The following OR2T27 variants were observed in gnomAD, a reference collection of about 807,000 sequenced individuals.
OR2T27 encodes the protein olfactory receptor 2T27.
For synonymous variants in OR2T27, 51 were observed against 152.9 expected (o/e 0.33, Z 4.92); for missense variants, 152 against 397.2 (o/e 0.38, Z 5.25).
In OR2T27 at chr1:248,649,895, CTTCAT is replaced by C. The variant is rs149039063; in HGVS notation, c.*31_*35del. ...AAGGGCAATGATAAAGTCTTGTATC[CTTCAT>C]TTCAAGTCTCTAGCAGCATATGAAA... is the stretch of plus-strand genomic sequence containing the variant. On this transcript the variant is annotated 3_prime_UTR_variant, in exon 2 of 2. Coordinates refer to ENST00000460972, the MANE Select transcript of OR2T27 (RefSeq NM_001001824.2). The C allele has an allele frequency of 0.012, 16,903 of 1,393,392 alleles. 1,646 individuals are homozygous for C. The African/African-American group carries it at 0.21, about 18-fold the overall frequency. The allele number at this position is 1,393,392 out of a possible 1,614,324, so 86.3% of individuals were successfully genotyped here. A position where few individuals can be genotyped will look rare whatever the true frequency, so the allele number is the denominator to read the frequency against.
chr1:248,652,348 C>T (rs1393955029), intron 1 of OR2T27, among the ~76,000 whole-genome samples: 2 of 150,086 alleles, frequency 1.3e-5, no homozygotes, highest in African/African-American at 4.9e-5. Flanking sequence ...CAAGGAGGAA[C>T]ATTGTTCTTT....
Position 248,653,093 on chromosome 1 carries a change from G to C in OR2T27, c.-4-2205C>G, listed in dbSNP as rs546055876. Among the ~76,000 whole-genome samples, 909 of 118,496 alleles carry C rather than the reference G, an allele frequency of 7.7e-3. 13 individuals are homozygous for C. Among genetic ancestry groups the C allele is most frequent in the African/African-American group, 0.023 (875 of 37,552 alleles). 77.7% of individuals were successfully genotyped at this position (118,496 alleles called of 152,430 possible). On this transcript the variant is annotated intron_variant, in intron 1 of 1. Coordinates refer to ENST00000460972, the MANE Select transcript of OR2T27 (RefSeq NM_001001824.2). ...CACTGGGAATATTAAAGCCCAAGAT[G>C]AAAAAATTGGTCCAAAAATATCCTT...
chr1:248,652,752 G>A (rs971335769), intron 1 of OR2T27, among the ~76,000 whole-genome samples: 1 of 124,860 alleles, frequency 8.0e-6, no homozygotes, highest in African/African-American at 2.7e-5. Context: ...GATTTTTACT[G>A]ATGAAACCCA....
intron 1 of OR2T27, among the ~76,000 whole-genome samples, chr1:248,652,439 A>G (rs1220258597): frequency 1.3e-5 from 2 of 148,484 alleles, no homozygotes; most frequent in Non-Finnish European, 1.5e-5. Flanking sequence ...ATATTTCTCA[A>G]GAGGCACATT....
chr1:248,653,445 T>TGGGAA (rs2103116928), intron 1 of OR2T27, among the ~76,000 whole-genome samples: 1 of 141,032 alleles, frequency 7.1e-6, no homozygotes, highest in Admixed American at 7.2e-5. Context: ...ACCTAATAAT[T>TGGGAA]AGCACATCTT....
intron 1 of OR2T27, among the ~76,000 whole-genome samples, chr1:248,651,898 C>A (rs1336874678): frequency 1.1e-5 from 1 of 93,832 alleles, no homozygotes; most frequent in Non-Finnish European, 2.4e-5. Flanking sequence ...AATTCAAACA[C>A]CTGTTAAAAA....
intron 1 of OR2T27, among the ~76,000 whole-genome samples, chr1:248,653,520 CGTT>C (rs1203965116): frequency 3.4e-5 from 2 of 58,470 alleles, no homozygotes; most frequent in Non-Finnish European, 5.8e-5. Context: ...TTCACATTCA[CGTT>C]GTTGAGTTTG....
In OR2T27 at chr1:248,652,425, A is replaced by G. The variant is rs534987953; in HGVS notation, c.-4-1537T>C. On this transcript the variant is annotated intron_variant, in intron 1 of 1. Transcript: ENST00000460972. ...GACAAAGTAGACATCAATTCATTCCATAAATATTTCTCAAGAGGCACATTG... is the reference window on the plus strand; with the variant it reads ...GACAAAGTAGACATCAATTCATTCCGTAAATATTTCTCAAGAGGCACATTG... Among the ~76,000 whole-genome samples the G allele has an allele frequency of 1.7e-4, 26 of 149,184 alleles. No homozygotes were observed. In the Middle Eastern group the frequency reaches 0.01, roughly 59 times the overall value.
intron 1 of OR2T27, among the ~76,000 whole-genome samples, chr1:248,651,786 A>G (rs1398132522): frequency 1.5e-5 from 1 of 64,712 alleles, no homozygotes; most frequent in African/African-American, 2.9e-5. Flanking sequence ...CCTGCATCAT[A>G]TAGATCTGCA....
intron 1 of OR2T27, among the ~76,000 whole-genome samples, chr1:248,652,141 A>G (rs1661032221): frequency 6.8e-6 from 1 of 147,814 alleles, no homozygotes. Context: ...TCCAGAGTTA[A>G]ACACACCACA....
intron 1 of OR2T27, among the ~76,000 whole-genome samples, 181 bp downstream of exon 1, chr1:248,655,263 C>T (rs181088396): frequency 3.9e-5 from 5 of 126,840 alleles, no homozygotes; most frequent in African/African-American, 1.0e-4. Flanking sequence ...TACTAAGAAA[C>T]GAGATTGAAT....
chr1:248,652,401 A>G lies in OR2T27; in HGVS notation c.-4-1513T>C, dbSNP rs182659278. On this transcript the variant is annotated intron_variant, in intron 1 of 1. Coordinates refer to ENST00000460972, the MANE Select transcript of OR2T27 (RefSeq NM_001001824.2). The stretch of plus-strand genomic sequence containing the variant: ...TTGTTCTATGCTGTTTTCCAACAGG[A>G]CAAAGTAGACATCAATTCATTCCAT... Among the ~76,000 whole-genome samples the G allele has an allele frequency of 3.2e-4, 48 of 149,510 alleles. 2 individuals carry two copies. In the East Asian group the frequency reaches 6.5e-3, roughly 20 times the overall value.
rs114829754 is a variant in OR2T27, at chr1:248,651,674, A to T, written c.-4-786T>A. On this transcript the variant is annotated intron_variant, in intron 1 of 1. Coordinates refer to ENST00000460972, the MANE Select transcript of OR2T27 (RefSeq NM_001001824.2). Reference sequence around the variant, plus strand: ...ATTAGACCTAGTGTATCCCAAAAAGAAGGGATCTCTCATACTTGAAGTTAG... The same window carrying T: ...ATTAGACCTAGTGTATCCCAAAAAGTAGGGATCTCTCATACTTGAAGTTAG... 4 of 70,656 alleles carry T rather than the reference A, an allele frequency of 5.7e-5. 1 individual carries two copies. The Admixed American group carries it at 6.4e-4, about 11-fold the overall frequency. The allele number at this position is 70,656 out of a possible 1,614,324, so 4.4% of individuals were successfully genotyped here.
At chr1:248,652,613 C>CA (rs1661045647) in intron 1 of OR2T27, among the ~76,000 whole-genome samples, 2 of 68,764 alleles carry the variant, frequency 2.9e-5, no homozygotes, top group South Asian at 8.7e-4. Context: ...GGTATGTGAA[C>CA]AAAGGACAAT....
rs2103114009 is a variant in OR2T27, at chr1:248,650,052, T to C, written c.833A>G (p.Tyr278Cys). ...ATTGAGCATGGGAGTAAGGATGGTG[T>C]AGAAGGCAGATACAGCTTTGTCCTG... ...PEQDKAVSAF[Y>C]TILTPMLNPL... Residue 278 changes from tyrosine (Y) to cysteine (C), a missense_variant, in exon 2 of 2, where the codon TAC (tyrosine) becomes TGC (cysteine). By Grantham distance (194) the Tyr-to-Cys change is radical (BLOSUM62 -2). Coordinates refer to ENST00000460972, the MANE Select transcript of OR2T27 (RefSeq NM_001001824.2). The C allele has an allele frequency of 6.3e-7, 1 of 1,575,068 alleles. No individual in the cohort carries two copies. Among genetic ancestry groups the C allele is most frequent in the South Asian group, 1.1e-5 (1 of 88,810 alleles).
chr1:248,651,506 G>T (rs1214746881), intron 1 of OR2T27: 1 of 69,698 alleles, frequency 1.4e-5, no homozygotes, highest in African/African-American at 2.8e-5. Context: ...GAATTCATAG[G>T]AGGAAAAATC....
chr1:248,650,230 T>C lies in OR2T27; in HGVS notation c.655A>G (p.Thr219Ala), dbSNP rs750800942. The C allele has an allele frequency of 6.8e-6, 9 of 1,315,778 alleles. No homozygotes were observed. Among genetic ancestry groups the C allele is most frequent in the South Asian group, 1.3e-5 (1 of 75,248 alleles). The allele number at this position is 1,315,778 out of a possible 1,614,324, so 81.5% of individuals were successfully genotyped here. ...CTATAAACAGTAATGAGAATTCTTG[T>C]GTAAGAGCCCGAGATGACAGAGAAA... ...IPFSVISGSY[T>A]RILITVYRMS... Residue 219 changes from threonine (T) to alanine (A), a missense_variant, in exon 2 of 2, where the codon ACA becomes GCA. Physicochemically the swap from Thr to Ala is moderately conservative, Grantham distance 58. Coordinates refer to ENST00000460972, the MANE Select transcript of OR2T27 (RefSeq NM_001001824.2).
At chr1:248,651,577 C>G (rs1399290869) in intron 1 of OR2T27, 3 of 53,822 alleles carry the variant, frequency 5.6e-5, no homozygotes, top group African/African-American at 1.0e-4. Context: ...AGCAAACTAC[C>G]AATTATTAAC....
chr1:248,650,049 G>A lies in OR2T27; in HGVS notation c.836C>T (p.Thr279Ile). ...TGGATTGAGCATGGGAGTAAGGATG[G>A]TGTAGAAGGCAGATACAGCTTTGTC... ...EQDKAVSAFY[T>I]ILTPMLNPLI... Residue 279 changes from threonine (T) to isoleucine (I), a missense_variant, in exon 2 of 2, where the codon ACC becomes ATC. Transcript: ENST00000460972. 6.4e-7 allele frequency: 1 copy of A among 1,570,450 alleles called. No individual in the cohort carries two copies. Among genetic ancestry groups the A allele is most frequent in the Non-Finnish European group, 8.7e-7 (1 of 1,155,978 alleles).
Sources: allele counts gnomAD v4.1 joint callset (sites outside exome capture counted in the v4.1 genomes callset), GRCh38; gene constraint gnomAD v4.1.1; transcripts MANE v1.5; gene names NCBI Gene and HGNC (gene_info 2026-07-23, HGNC 2026-07-21).